Variants in PGGT1B observed in about 807,000 individuals in gnomAD.
PGGT1B encodes the protein geranylgeranyl transferase type-1 subunit beta.
Under a neutral mutation model 46.1 loss-of-function variants are expected in PGGT1B, and 30 were observed. The ratio of observed to expected loss-of-function variants is 0.65; its 90% CI spans 0.49 to 0.88. The LOEUF (loss-of-function observed/expected upper bound fraction) is 0.88. Among genes scored for constraint, PGGT1B ranks in the 40% least tolerant of loss-of-function variants. The pLI is 0.00. For missense variants in PGGT1B, 376 were observed against 455.9 expected, an observed-to-expected ratio of 0.82 and a Z score of 1.60; for synonymous variants, 170 against 160.0, an observed-to-expected ratio of 1.06 and a Z score of -0.47.
Position 115,212,701 on chromosome 5 carries a change from C to T in PGGT1B, c.953-118G>A, listed in dbSNP as rs1483376441. 8 of 603,332 alleles carry T rather than the reference C, an allele frequency of 1.3e-5. 1 individual carries two copies. The highest frequency in any genetic ancestry group is 2.9e-4 in the Middle Eastern group (1 of 3,486). 37.4% of individuals were successfully genotyped at this position (603,332 alleles called of 1,614,324 possible). A position where few individuals can be genotyped will look rare whatever the true frequency, so the allele number is the denominator to read the frequency against. ...CATTAAAAGTAAGTTTAGAGAAATG[C>T]TAATATAGTTTTAAAAATATTTGCT... On this transcript the variant is annotated intron_variant, in intron 8 of 8. Coordinates refer to ENST00000419445, the MANE Select transcript of PGGT1B (RefSeq NM_005023.4).
intron 4 of PGGT1B, among the ~76,000 whole-genome samples, chr5:115,237,630 A>C (rs921571418): frequency 2.6e-5 from 4 of 152,180 alleles, no homozygotes; most frequent in African/African-American, 9.7e-5. Flanking sequence ...CATTGTTATT[A>C]AGAAGGAAGA....
Position 115,212,516 on chromosome 5 carries a change from A to T in PGGT1B, c.1020T>A (p.Val340=). ...SLMEESGICK[V]HPALNVSTRT... ...GTGTGCTTACATTCAGAGCAGGATG[A>T]ACTTTACAAATTCCACTTTCCTCCA... Residue 340 remains valine (V), a synonymous_variant, in exon 9 of 9, where the codon GTT becomes GTA. Transcript: ENST00000419445. The T allele has an allele frequency of 6.2e-7, 1 of 1,613,738 alleles. No homozygotes were observed. Among genetic ancestry groups the T allele is most frequent in the Non-Finnish European group, 8.5e-7 (1 of 1,179,748 alleles).
At chr5:115,216,429 T>C (rs547753783) in intron 8 of PGGT1B, among the ~76,000 whole-genome samples, 2 of 152,320 alleles carry the variant, frequency 1.3e-5, no homozygotes, top group Admixed American at 6.5e-5. Flanking sequence ...CATGAGCCAC[T>C]GTGCCCGGCC....
intron 4 of PGGT1B, 73 bp from the exon 5 acceptor site, chr5:115,236,595 ACCT>A: frequency 1.1e-6 from 1 of 904,798 alleles, no homozygotes; most frequent in Non-Finnish European, 1.6e-6. Flanking sequence ...GGTTAGAAAC[ACCT>A]CCTGCTTGTC....
chr5:115,212,411 G>A lies in PGGT1B; in HGVS notation c.1125C>T (p.Ile375=), dbSNP rs573457068. The A allele has an allele frequency of 6.2e-7, 1 of 1,603,614 alleles. No homozygotes were observed. The highest frequency in any genetic ancestry group is 2.2e-5 in the East Asian group (1 of 44,656). ...CCCAATCTAAAATCAGTCATGTGGAGATATGTACATTCTCTGAGCATTGTT... is the reference window on the plus strand; with the variant it reads ...CCCAATCTAAAATCAGTCATGTGGAAATATGTACATTCTCTGAGCATTGTT... ...DSKQCSENVH[I]ST is the part of the protein sequence containing the mutation. The change falls in exon 9 of 9, where the codon ATC becomes ATT. Residue 375 remains isoleucine (I), a synonymous_variant. Coordinates refer to ENST00000419445, the MANE Select transcript of PGGT1B (RefSeq NM_005023.4).
Position 115,209,027 on chromosome 5 carries a change from A to T in PGGT1B, c.*3375T>A, listed in dbSNP as rs1242186217. On this transcript the variant is annotated 3_prime_UTR_variant, in exon 9 of 9. Coordinates refer to ENST00000419445, the MANE Select transcript of PGGT1B (RefSeq NM_005023.4). ...CTTACTCTTTTTTTCCCCTTAACTG[A>T]AATGAGTTTTTCTGTACTTTTAGGA... is the stretch of plus-strand genomic sequence containing the variant. 1.3e-5 allele frequency: 2 copies of T among 151,984 alleles called. No homozygotes were observed. Among genetic ancestry groups the T allele is most frequent in the African/African-American group, 4.8e-5 (2 of 41,400 alleles). The allele number at this position is 151,984 out of a possible 1,614,324, so 9.4% of individuals were successfully genotyped here. A position where few individuals can be genotyped will look rare whatever the true frequency, so the allele number is the denominator to read the frequency against.
intron 5 of PGGT1B, among the ~76,000 whole-genome samples, chr5:115,235,206 T>C (rs1757141301): frequency 6.6e-6 from 1 of 151,932 alleles, no homozygotes; most frequent in African/African-American, 2.4e-5. Flanking sequence ...ATCAAAATAA[T>C]GACAGTAACA....
chr5:115,253,013 C>A lies in PGGT1B; in HGVS notation c.259+124G>T, dbSNP rs967512686. On this transcript the variant is annotated intron_variant, in intron 2 of 8. Coordinates refer to ENST00000419445, the MANE Select transcript of PGGT1B (RefSeq NM_005023.4). ...TCAACAGAATGGCAATGCTGCATTA[C>A]AACAAAATCACAGATAAATAAAATA... 4 of 829,818 alleles carry A rather than the reference C, an allele frequency of 4.8e-6. No individual in the cohort carries two copies. In the African/African-American group the frequency reaches 5.4e-5, roughly 11 times the overall value. The allele number at this position is 829,818 out of a possible 1,614,324, so 51.4% of individuals were successfully genotyped here.
intron 7 of PGGT1B, among the ~76,000 whole-genome samples, chr5:115,220,638 A>C (rs1441043078): frequency 6.6e-6 from 1 of 151,944 alleles, no homozygotes; most frequent in African/African-American, 2.4e-5. Flanking sequence ...CTCTTTGATT[A>C]AAAGGAGAGA....
At chr5:115,233,276 G>A (rs1757053928) in intron 5 of PGGT1B, among the ~76,000 whole-genome samples, 1 of 150,926 alleles carries the variant, frequency 6.6e-6, no homozygotes, top group Admixed American at 6.6e-5. Flanking sequence ...AAAAACAGAT[G>A]AACAAACAAT....
At chr5:115,252,002 G>A (rs1393061224) in intron 2 of PGGT1B, among the ~76,000 whole-genome samples, 1 of 151,960 alleles carries the variant, frequency 6.6e-6, no homozygotes, top group Admixed American at 6.6e-5. Context: ...ACGTGGCCTC[G>A]GCCACATGCT....
At chr5:115,251,082 A>G (rs1254464001) in intron 2 of PGGT1B, among the ~76,000 whole-genome samples, 1 of 152,134 alleles carries the variant, frequency 6.6e-6, no homozygotes, top group Admixed American at 6.5e-5. Flanking sequence ...ATGCTAGAAC[A>G]TATCTTTTGG....
intron 8 of PGGT1B, among the ~76,000 whole-genome samples, chr5:115,213,548 A>G (rs963896635): frequency 2.0e-5 from 3 of 152,148 alleles, no homozygotes; most frequent in African/African-American, 7.2e-5. Flanking sequence ...AGAAGGGCAT[A>G]TTCCTTGAGC....
intron 2 of PGGT1B, among the ~76,000 whole-genome samples, chr5:115,244,626 C>T (rs552517264): frequency 1.3e-5 from 2 of 151,918 alleles, no homozygotes; most frequent in East Asian, 3.9e-4. Context: ...GAGTCTTGCT[C>T]TGTTGCCCAG....
At chr5:115,252,329 C>T in intron 2 of PGGT1B, among the ~76,000 whole-genome samples, 1 of 151,882 alleles carries the variant, frequency 6.6e-6, no homozygotes, top group East Asian at 1.9e-4. Context: ...AAACTATGTT[C>T]AAGATCGTCT....
chr5:115,236,021 G>A (rs1757172598), intron 5 of PGGT1B, among the ~76,000 whole-genome samples: 1 of 152,058 alleles, frequency 6.6e-6, no homozygotes, highest in Non-Finnish European at 1.5e-5. Context: ...AAAGATGAGA[G>A]AAATAGTCTC....
intron 2 of PGGT1B, among the ~76,000 whole-genome samples, chr5:115,242,320 T>C (rs1029312894): frequency 3.9e-5 from 6 of 152,200 alleles, no homozygotes; most frequent in African/African-American, 1.4e-4. Flanking sequence ...ACAACAATTA[T>C]GGTTTTAATA....
At chr5:115,225,795 G>A (rs1756761653) in intron 6 of PGGT1B, among the ~76,000 whole-genome samples, 1 of 151,768 alleles carries the variant, frequency 6.6e-6, no homozygotes, top group South Asian at 2.1e-4. Context: ...ACAGGTGTGT[G>A]CCACCACATT....
rs1756161085 is a variant in PGGT1B at position 115,209,492 on chromosome 5, C to T, written c.*2910G>A. ...TGCAGAGCTGTCAGAAACCAGCTGC[C>T]TTCCTTCTACTTCCTCCCACAGATA... is the stretch of plus-strand genomic sequence containing the variant. On this transcript the variant is annotated 3_prime_UTR_variant, in exon 9 of 9. Coordinates refer to ENST00000419445, the MANE Select transcript of PGGT1B (RefSeq NM_005023.4). The T allele has an allele frequency of 6.6e-6, 1 of 152,116 alleles. No homozygotes were observed. The highest frequency in any genetic ancestry group is 1.5e-5 in the Non-Finnish European group (1 of 68,006). The allele number at this position is 152,116 out of a possible 1,614,324, so 9.4% of individuals were successfully genotyped here.
Sources: allele counts gnomAD v4.1 joint callset (sites outside exome capture counted in the v4.1 genomes callset), GRCh38; gene constraint gnomAD v4.1.1; transcripts MANE v1.5; gene names NCBI Gene and HGNC (gene_info 2026-07-23, HGNC 2026-07-21).